USP9Y: variants seen among roughly 807,000 people sequenced by gnomAD.
The protein encoded by USP9Y is ubiquitin carboxyl-terminal hydrolase 9Y.
USP9Y carries 41 observed loss-of-function variants against 53.1 expected under a neutral mutation model. That is an observed-to-expected ratio of 0.77 (90% CI 0.60 to 1.00). The LOEUF is 1.00. USP9Y is among the 50% of genes least tolerant of loss of function. The pLI is 0.00. For missense variants in USP9Y, 567 were observed against 535.8 expected (o/e 1.06, Z -0.58); for synonymous variants, 220 against 173.7 (o/e 1.27, Z -2.09).
At chrY:12,755,216 G>GT (rs2053467363) in intron 12 of USP9Y, among the ~76,000 whole-genome samples, 1 of 26,521 alleles carries the variant, frequency 3.8e-5, no homozygotes, top group Non-Finnish European at 8.7e-5. Flanking sequence ...CTATGCTGGA[G>GT]TGTAATGGCG....
rs1037933544 is a variant in USP9Y at position 12,811,484 on chromosome Y, G to C, written c.4240-151G>C. On this transcript the variant is annotated intron_variant, in intron 29 of 45. Coordinates refer to ENST00000338981, the MANE Select transcript of USP9Y (RefSeq NM_004654.4). ...AATTGCTTGCATTTACTGTTCTAGA[G>C]AGTTCTCAAAAAGAAATAGGAAACC... 1.1e-4 allele frequency: 22 copies of C among 193,566 alleles called. No individual in the cohort carries two copies. The African/African-American group carries it at 1.6e-3, about 14-fold the overall frequency. The allele number at this position is 193,566 out of a possible 400,897, so 48.3% of individuals were successfully genotyped here.
chrY:12,761,168 C>T, intron 15 of USP9Y, among the ~76,000 whole-genome samples: 7 of 33,806 alleles, frequency 2.1e-4, no homozygotes, highest in African/African-American at 8.1e-4. Flanking sequence ...CCATGTTGAC[C>T]GGGCTGATCT....
At chrY:12,774,729 C>T in intron 17 of USP9Y, among the ~76,000 whole-genome samples, 1 of 32,882 alleles carries the variant, frequency 3.0e-5, no homozygotes, top group Non-Finnish European at 7.5e-5. Context: ...AGCTAACTTT[C>T]CCATATTAAT....
chrY:12,704,127 T>G (rs2053418126), intron 1 of USP9Y, among the ~76,000 whole-genome samples: 1 of 33,898 alleles, frequency 3.0e-5, no homozygotes, highest in South Asian at 6.6e-4. Context: ...CGGCTTCACC[T>G]TTCAAGGTCA....
At chrY:12,717,172 C>G (rs1052831863) in intron 3 of USP9Y, among the ~76,000 whole-genome samples, 1 of 32,234 alleles carries the variant, frequency 3.1e-5, no homozygotes. Flanking sequence ...GGCTGGTGAG[C>G]GAGCATTACC....
Position 12,755,698 on chromosome Y carries a change from A to C in USP9Y, c.1423-1494A>C, listed in dbSNP as rs200118443. ...CATCTGTCGTTTTTGTGTTGGCACC[A>C]GTCAATTCTTTTTTCATTCATGTTG... is the stretch of plus-strand genomic sequence containing the variant. On this transcript the variant is annotated intron_variant, in intron 12 of 45. Coordinates refer to ENST00000338981, the MANE Select transcript of USP9Y (RefSeq NM_004654.4). Among the ~76,000 whole-genome samples, 45 of 33,542 alleles carry C rather than the reference A, an allele frequency of 1.3e-3. No homozygotes were observed. In the East Asian group the frequency reaches 0.034, roughly 25 times the overall value. 90.0% of individuals were successfully genotyped at this position (33,542 alleles called of 37,273 possible).
intron 15 of USP9Y, among the ~76,000 whole-genome samples, chrY:12,761,842 T>C (rs2053475658): frequency 2.9e-5 from 1 of 34,118 alleles, no homozygotes; most frequent in South Asian, 6.5e-4. Context: ...TGGTTGAGTT[T>C]GTAAAATTCC....
At chrY:12,811,036 A>C in intron 29 of USP9Y, among the ~76,000 whole-genome samples, 1 of 33,961 alleles carries the variant, frequency 2.9e-5, no homozygotes, top group Non-Finnish European at 7.3e-5. Flanking sequence ...AGTTTTGTTC[A>C]ATGTGTTTTA....
At chrY:12,812,118 A>G (rs2053531582) in intron 30 of USP9Y, among the ~76,000 whole-genome samples, 1 of 33,257 alleles carries the variant, frequency 3.0e-5, no homozygotes, top group African/African-American at 1.2e-4. Flanking sequence ...CTTTAAGGTA[A>G]GTTCTGAATT....
At chrY:12,817,588 G>A in intron 32 of USP9Y, among the ~76,000 whole-genome samples, 1 of 33,980 alleles carries the variant, frequency 2.9e-5, no homozygotes, top group African/African-American at 1.2e-4. Context: ...ACTACTGAAA[G>A]GAAATTGGAA....
At chrY:12,800,527 G>A in intron 27 of USP9Y, among the ~76,000 whole-genome samples, 1 of 34,128 alleles carries the variant, frequency 2.9e-5, no homozygotes, top group African/African-American at 1.1e-4. Context: ...CAAGAAGACA[G>A]GCTTCAGAGA....
chrY:12,758,488 A>T lies in USP9Y; in HGVS notation c.1630-18A>T. On this transcript the variant is annotated intron_variant, in intron 13 of 45. Coordinates refer to ENST00000338981, the MANE Select transcript of USP9Y (RefSeq NM_004654.4). ...GAGTATTGATCCACTTACAGTATAA[A>T]TTTTTTTCATGTATAAGGATCGAGA... is the stretch of plus-strand genomic sequence containing the variant. 4 of 374,029 alleles carry T rather than the reference A, an allele frequency of 1.1e-5. No individual in the cohort carries two copies. Among genetic ancestry groups the T allele is most frequent in the Non-Finnish European group, 1.5e-5 (4 of 267,379 alleles). The allele number at this position is 374,029 out of a possible 400,897, so 93.3% of individuals were successfully genotyped here. A position where few individuals can be genotyped will look rare whatever the true frequency, so the allele number is the denominator to read the frequency against.
chrY:12,846,547 A>G, intron 40 of USP9Y, 29 bp downstream of exon 40: 1 of 378,177 alleles, frequency 2.6e-6, no homozygotes, highest in Non-Finnish European at 3.8e-6. Context: ...TTTCTTTTAC[A>G]GCAGTTTAAA....
At chrY:12,811,130 T>A in intron 29 of USP9Y, among the ~76,000 whole-genome samples, 1 of 33,873 alleles carries the variant, frequency 3.0e-5, no homozygotes, top group East Asian at 7.7e-4. Context: ...TTATCACATT[T>A]GAAGACTTTT....
chrY:12,723,821 T>G (rs2053438833), intron 5 of USP9Y, among the ~76,000 whole-genome samples: 1 of 33,337 alleles, frequency 3.0e-5, no homozygotes, highest in Non-Finnish European at 7.4e-5. Flanking sequence ...TCCTGTAAAG[T>G]GTTTCTGTTG....
intron 33 of USP9Y, among the ~76,000 whole-genome samples, chrY:12,828,183 C>A: frequency 3.2e-5 from 1 of 30,790 alleles, no homozygotes. Context: ...GATATGATGG[C>A]CTAAAACTAA....
chrY:12,827,134 T>G (rs959524030), intron 33 of USP9Y, among the ~76,000 whole-genome samples: 1 of 33,367 alleles, frequency 3.0e-5, no homozygotes. Flanking sequence ...AACTAAGCAC[T>G]ACATGTAAAT....
intron 12 of USP9Y, among the ~76,000 whole-genome samples, chrY:12,749,547 C>G: frequency 3.0e-5 from 1 of 33,489 alleles, no homozygotes; most frequent in Non-Finnish European, 7.4e-5. Context: ...CCTTTGACCT[C>G]CTAGACTTGT....
intron 12 of USP9Y, among the ~76,000 whole-genome samples, chrY:12,742,381 C>G: frequency 3.0e-5 from 1 of 33,131 alleles, no homozygotes; most frequent in Non-Finnish European, 7.5e-5. Flanking sequence ...GTATTTGGTC[C>G]CACCCACATC....
Sources: allele counts gnomAD v4.1 joint callset (sites outside exome capture counted in the v4.1 genomes callset), GRCh38; gene constraint gnomAD v4.1.1; transcripts MANE v1.5; gene names NCBI Gene and HGNC (gene_info 2026-07-23, HGNC 2026-07-21).